The following LRCH1 variants were observed in gnomAD, a reference collection of about 807,000 sequenced individuals.
LRCH1 encodes the protein leucine rich repeats and calponin homology domain containing 1, also known as leucine-rich repeat and calponin homology domain-containing protein 1.
In LRCH1, 23 loss-of-function variants were observed where a neutral mutation model predicts 94.9. The observed-to-expected ratio is 0.24, with a 90% CI of 0.17 to 0.34. The LOEUF (loss-of-function observed/expected upper bound fraction) is 0.34, where lower values mean the gene tolerates loss of function less well. Among genes scored for constraint, LRCH1 ranks in the 10% least tolerant of loss-of-function variants. The pLI is 1.00. For synonymous variants in LRCH1, 364 were observed against 354.9 expected, an observed-to-expected ratio of 1.03 and a Z score of -0.29; for missense variants, 790 against 945.9, an observed-to-expected ratio of 0.84 and a Z score of 2.16.
At chr13:46,562,416 C>T (rs2050139571) in intron 1 of LRCH1, among the ~76,000 whole-genome samples, 1 of 152,188 alleles carries the variant, frequency 6.6e-6, no homozygotes. Flanking sequence ...AGGTTGTCTT[C>T]CTGGGTCTTC....
At chr13:46,617,482 A>G (rs2050823954) in intron 1 of LRCH1, among the ~76,000 whole-genome samples, 1 of 152,228 alleles carries the variant, frequency 6.6e-6, no homozygotes, top group Non-Finnish European at 1.5e-5. Flanking sequence ...ACGAAGGGTC[A>G]TGTGAGCTGC....
chr13:46,661,149 A>G (rs1464124442), intron 2 of LRCH1, among the ~76,000 whole-genome samples: 1 of 152,128 alleles, frequency 6.6e-6, no homozygotes, highest in East Asian at 1.9e-4. Context: ...TTTATTCCAG[A>G]GGAAATGAGA....
intron 1 of LRCH1, among the ~76,000 whole-genome samples, chr13:46,580,503 T>C (rs1261569371): frequency 1.3e-5 from 2 of 152,224 alleles, no homozygotes; most frequent in Non-Finnish European, 2.9e-5. Context: ...TCATGCATGC[T>C]GCTTTCTGCT....
intron 1 of LRCH1, among the ~76,000 whole-genome samples, chr13:46,557,106 C>T (rs961054268): frequency 6.6e-6 from 1 of 151,654 alleles, no homozygotes; most frequent in Non-Finnish European, 1.5e-5. Context: ...TACATATAAT[C>T]TGAAGCATAA....
chr13:46,624,861 A>G (rs1488665024), intron 1 of LRCH1, among the ~76,000 whole-genome samples: 1 of 152,266 alleles, frequency 6.6e-6, no homozygotes, highest in Non-Finnish European at 1.5e-5. Flanking sequence ...TGTTACAATA[A>G]CATTTACTTG....
At position 46,692,616 on chromosome 13, in the gene LRCH1, G is replaced by A. The variant is rs150798300; in HGVS notation, c.1095G>A (p.Ser365=). Residue 365 remains serine, a synonymous_variant, in exon 8 of 20, where the codon TCG becomes TCA. Coordinates refer to ENST00000389797, the MANE Select transcript of LRCH1 (RefSeq NM_001164211.2). ...MEEEQIIKED[S]CHRLSPVKGE... ...AAGAACAGATCATCAAGGAGGACTC[G>A]TGCCATCGCCTTAGCCCCGTTAAAG... The A allele has an allele frequency of 1.3e-5, 21 of 1,613,936 alleles. No individual in the cohort carries two copies. Among genetic ancestry groups the A allele is most frequent in the East Asian group, 2.2e-5 (1 of 44,878 alleles).
chr13:46,731,124 C>CTTTT (rs34512042), intron 18 of LRCH1, among the ~76,000 whole-genome samples: 1 of 127,852 alleles, frequency 7.8e-6, no homozygotes. Flanking sequence ...TTACTATAAG[C>CTTTT]TTTTTTTTTT....
At chr13:46,749,121 G>A (rs1874023644), downstream of LRCH1, among the ~76,000 whole-genome samples, 1 of 152,168 alleles carries the variant, frequency 6.6e-6, no homozygotes. Context: ...CACACCAATT[G>A]GCTTCCTGCT....
intron 2 of LRCH1, 136 bp from the exon 3 acceptor site, chr13:46,668,894 A>C: frequency 1.3e-6 from 1 of 775,972 alleles, no homozygotes. Context: ...GTCACACAGA[A>C]AATATATTGG....
rs371693225 is a variant in LRCH1, at chr13:46,675,699, G to A, written c.580-6042G>A. On this transcript the variant is annotated intron_variant, in intron 3 of 19. Transcript: ENST00000389797. ...GATAACAGCGGAGGCATAAATTCACGTGCTCGCCATGCTGTTTGTCCATTC... is the reference window on the plus strand; with the variant it reads ...GATAACAGCGGAGGCATAAATTCACATGCTCGCCATGCTGTTTGTCCATTC... 1.2e-4 allele frequency among the ~76,000 whole-genome samples: 19 copies of A among 152,242 alleles called. No homozygotes were observed. The East Asian group carries it at 3.5e-3, about 28-fold the overall frequency.
chr13:46,707,042 T>C (rs1237680760), intron 13 of LRCH1, among the ~76,000 whole-genome samples: 1 of 152,246 alleles, frequency 6.6e-6, no homozygotes, highest in Non-Finnish European at 1.5e-5. Flanking sequence ...TTCATGGTGA[T>C]AACATATTTT....
At chr13:46,584,265 C>T (rs765966859) in intron 1 of LRCH1, among the ~76,000 whole-genome samples, 1 of 152,268 alleles carries the variant, frequency 6.6e-6, no homozygotes, top group Non-Finnish European at 1.5e-5. Flanking sequence ...TCATAGCATG[C>T]AACCTTAACC....
chr13:46,623,428 T>A (rs2050903854), intron 1 of LRCH1, among the ~76,000 whole-genome samples: 1 of 152,146 alleles, frequency 6.6e-6, no homozygotes, highest in Non-Finnish European at 1.5e-5. Flanking sequence ...TTAAGAGTCT[T>A]AAATAAAATG....
At chr13:46,603,733 T>G (rs1229044576) in intron 1 of LRCH1, among the ~76,000 whole-genome samples, 2 of 152,220 alleles carry the variant, frequency 1.3e-5, no homozygotes, top group Non-Finnish European at 1.5e-5. Flanking sequence ...CTTGGCTTAC[T>G]GCAGCCTCAA....
At chr13:46,739,281 T>TG in intron 19 of LRCH1, among the ~76,000 whole-genome samples, 1 of 152,298 alleles carries the variant, frequency 6.6e-6, no homozygotes, top group Admixed American at 6.5e-5. Context: ...TCTTAACCTC[T>TG]GGCGATTGTG....
Position 46,687,985 on chromosome 13 carries a change from T to C in LRCH1, c.950+6T>C. Reference sequence around the variant, plus strand: ...CACCAGCACGTGGAAGATGGGTGAGTCATGCCCTCATTCAAAGCCCCAGTT... The same window carrying C: ...CACCAGCACGTGGAAGATGGGTGAGCCATGCCCTCATTCAAAGCCCCAGTT... On this transcript the variant is annotated splice_donor_region_variant and intron_variant, in intron 6 of 19. Transcript: ENST00000389797. The C allele has an allele frequency of 6.2e-7, 1 of 1,603,380 alleles. No homozygotes were observed. Among genetic ancestry groups the C allele is most frequent in the South Asian group, 1.1e-5 (1 of 88,186 alleles).
Position 46,572,944 on chromosome 13 carries a change from C to T in LRCH1, c.307+19241C>T, listed in dbSNP as rs556029592. 1.2e-4 allele frequency among the ~76,000 whole-genome samples: 19 copies of T among 152,138 alleles called. No homozygotes were observed. The South Asian group carries it at 3.9e-3, about 32-fold the overall frequency. On this transcript the variant is annotated intron_variant, in intron 1 of 19. Coordinates refer to ENST00000389797, the MANE Select transcript of LRCH1 (RefSeq NM_001164211.2). ...GTGAGCGACTCCTCCATCTACTGGC[C>T]CAGTGACCTTGGGCAAGTTCCATAA... is the stretch of plus-strand genomic sequence containing the variant.
intron 2 of LRCH1, among the ~76,000 whole-genome samples, chr13:46,658,590 C>T (rs1253842090): frequency 2.0e-5 from 3 of 152,176 alleles, no homozygotes; most frequent in Non-Finnish European, 4.4e-5. Flanking sequence ...AGCTATCCTC[C>T]CACCTTAGCC....
At chr13:46,687,543 C>CAGTTACT (rs1226283382) in intron 5 of LRCH1, among the ~76,000 whole-genome samples, 2 of 152,156 alleles carry the variant, frequency 1.3e-5, no homozygotes, top group East Asian at 3.8e-4. Flanking sequence ...TGGAATTTCA[C>CAGTTACT]CAGGCTGGTC....
Sources: gnomAD v4.1 joint callset for allele counts (sites outside exome capture counted in the v4.1 genomes callset) on GRCh38, gnomAD v4.1.1 for gene constraint, MANE v1.5 for transcripts, NCBI Gene and HGNC (gene_info 2026-07-23, HGNC 2026-07-21) for gene names.